Variants in FSTL4 observed in about 807,000 individuals in gnomAD.
The protein encoded by FSTL4 is follistatin-related protein 4.
In FSTL4, 28 loss-of-function variants were observed where a neutral mutation model predicts 78.2. The ratio of observed to expected loss-of-function variants is 0.36; its 90% confidence interval spans 0.27 to 0.49. The LOEUF (loss-of-function observed/expected upper bound fraction) is 0.49. Ranked by LOEUF, FSTL4 falls within the 20% of genes least tolerant of loss-of-function variation. The probability of loss-of-function intolerance (pLI) is 0.98; values close to 1 mark genes in which losing one functional copy is unlikely to be tolerated. For synonymous variants in FSTL4, 422 were observed against 440.5 expected (o/e 0.96, Z 0.53); for missense variants, 922 against 1,084.9 (o/e 0.85, Z 2.11).
At chr5:133,820,950 T>G in the FSTL4 span, among the ~76,000 whole-genome samples, 1 of 152,224 alleles carries the variant, frequency 6.6e-6, no homozygotes, top group South Asian at 2.1e-4. Context: ...CAGAAAAGGG[T>G]GGTAATAGGA....
At chr5:133,818,142 G>A in the FSTL4 span, among the ~76,000 whole-genome samples, 21 of 152,342 alleles carry the variant, frequency 1.4e-4, no homozygotes, top group Admixed American at 6.5e-5. Flanking sequence ...ACGTGAGCAC[G>A]GGGATGAATC....
intron 6 of FSTL4, among the ~76,000 whole-genome samples, chr5:133,273,478 C>T (rs952289626): frequency 6.6e-6 from 1 of 152,146 alleles, no homozygotes; most frequent in Non-Finnish European, 1.5e-5. Context: ...CTGTGGCTTA[C>T]CTGGGCCTGT....
At chr5:133,828,880 A>G in the FSTL4 span, among the ~76,000 whole-genome samples, 4 of 152,202 alleles carry the variant, frequency 2.6e-5, no homozygotes, top group South Asian at 4.1e-4. Context: ...CTAAACAAAG[A>G]GCTTTTGATG....
intron 4 of FSTL4, among the ~76,000 whole-genome samples, chr5:133,381,783 G>A (rs567520832): frequency 2.5e-4 from 38 of 152,176 alleles, no homozygotes; most frequent in East Asian, 5.8e-4. Context: ...AGCCTTGCAC[G>A]TGGACACAGC....
chr5:133,582,632 T>A (rs890365533), intron 2 of FSTL4, among the ~76,000 whole-genome samples: 11 of 152,168 alleles, frequency 7.2e-5, no homozygotes, highest in Non-Finnish European at 1.3e-4. Context: ...TGGTACAGTG[T>A]CAACCCATGG....
At chr5:133,617,347 A>G (rs2112992267), upstream of FSTL4, among the ~76,000 whole-genome samples, 1 of 150,644 alleles carries the variant, frequency 6.6e-6, no homozygotes, top group South Asian at 2.1e-4. Flanking sequence ...ACCAAATGAT[A>G]GCGAGAAACT....
chr5:133,299,356 A>G (rs1449469171), intron 6 of FSTL4, among the ~76,000 whole-genome samples: 1 of 152,098 alleles, frequency 6.6e-6, no homozygotes, highest in Non-Finnish European at 1.5e-5. Context: ...AAAAACCACT[A>G]CTTCCCAGAG....
At chr5:133,565,873 A>G (rs1760016371) in intron 3 of FSTL4, among the ~76,000 whole-genome samples, 1 of 152,244 alleles carries the variant, frequency 6.6e-6, no homozygotes, top group Admixed American at 6.5e-5. Context: ...TGGCATAAAC[A>G]GAATATTATT....
At chr5:133,467,266 G>GTC (rs1218986737) in intron 3 of FSTL4, among the ~76,000 whole-genome samples, 4 of 151,550 alleles carry the variant, frequency 2.6e-5, no homozygotes, top group African/African-American at 9.7e-5. Flanking sequence ...GAGTGTGTGT[G>GTC]TGTGTGTGTG....
intron 7 of FSTL4, among the ~76,000 whole-genome samples, chr5:133,239,867 C>G (rs947645247): frequency 6.6e-6 from 1 of 152,192 alleles, no homozygotes; most frequent in Non-Finnish European, 1.5e-5. Flanking sequence ...AGCACCCTGT[C>G]AAAACGGACC....
the FSTL4 span, among the ~76,000 whole-genome samples, chr5:133,782,335 C>G: frequency 3.9e-5 from 6 of 152,264 alleles, no homozygotes; most frequent in Non-Finnish European, 5.9e-5. Context: ...TCTTCCCCTT[C>G]TAGAACATGC....
chr5:133,312,567 C>A, intron 6 of FSTL4, 87 bp downstream of exon 6: 1 of 1,263,350 alleles, frequency 7.9e-7, no homozygotes, highest in Non-Finnish European at 1.1e-6. Context: ...TGGGAGACAA[C>A]TGAGGACAGA....
chr5:133,436,689 A>G (rs12186677), intron 3 of FSTL4, among the ~76,000 whole-genome samples: 46,834 of 151,916 alleles, frequency 0.31, 7,716 homozygotes, highest in East Asian at 0.47. Flanking sequence ...AGTAGTATTT[A>G]CACTACGGAA....
chr5:133,478,780 T>G (rs540504755), intron 3 of FSTL4, among the ~76,000 whole-genome samples: 1 of 152,032 alleles, frequency 6.6e-6, no homozygotes, highest in Non-Finnish European at 1.5e-5. Context: ...CTTGGGGCTA[T>G]TGAGGCCTCT....
chr5:133,835,286 A>C, the FSTL4 span, among the ~76,000 whole-genome samples: 1 of 152,174 alleles, frequency 6.6e-6, no homozygotes, highest in Non-Finnish European at 1.5e-5. Context: ...CCCGATTCTG[A>C]TAGTCTGTCT....
intron 3 of FSTL4, among the ~76,000 whole-genome samples, chr5:133,565,206 T>C (rs256333): frequency 0.4 from 60,754 of 152,016 alleles, 12,310 homozygotes; most frequent in African/African-American, 0.45. Context: ...ACCCAGGTGT[T>C]CATTGCTAGA....
intron 3 of FSTL4, among the ~76,000 whole-genome samples, chr5:133,511,559 C>T (rs977655225): frequency 3.9e-5 from 6 of 152,292 alleles, no homozygotes; most frequent in African/African-American, 1.4e-4. Context: ...AAGGCTGCAA[C>T]TCCAAAGACT....
the FSTL4 span, among the ~76,000 whole-genome samples, chr5:133,737,961 A>T: frequency 6.6e-6 from 1 of 152,106 alleles, no homozygotes; most frequent in Non-Finnish European, 1.5e-5. Context: ...TACTGTGTGC[A>T]GGAAGGAGGG....
the FSTL4 span, among the ~76,000 whole-genome samples, chr5:133,814,404 G>T: frequency 1.6e-4 from 24 of 152,304 alleles, no homozygotes; most frequent in South Asian, 4.8e-3. Context: ...TGGCTGGAGG[G>T]TGTTGGTGGA....
Sources: gnomAD v4.1 joint callset for allele counts (sites outside exome capture counted in the v4.1 genomes callset) on GRCh38, gnomAD v4.1.1 for gene constraint, MANE v1.5 for transcripts, NCBI Gene and HGNC (gene_info 2026-07-23, HGNC 2026-07-21) for gene names.